The following TYW1B variants were observed in gnomAD, a reference collection of about 807,000 sequenced individuals.
TYW1B encodes tRNA-yW synthesizing protein 1 homolog B.
In TYW1B, 73 loss-of-function variants were observed where a neutral mutation model predicts 86.9. That is an observed-to-expected ratio of 0.84 (90% CI 0.70 to 1.02). The LOEUF is 1.02. TYW1B is among the 50% of genes least tolerant of loss of function. The pLI, the probability that TYW1B is intolerant of heterozygous loss-of-function variation, is 0.00. For synonymous variants in TYW1B, 248 were observed against 292.8 expected (o/e 0.85, Z 1.56); for missense variants, 637 against 827.4 (o/e 0.77, Z 2.82).
At chr7:72,748,066 C>T (rs1450856344) in intron 7 of TYW1B, among the ~76,000 whole-genome samples, 1 of 152,032 alleles carries the variant, frequency 6.6e-6, no homozygotes, top group Admixed American at 6.6e-5. Flanking sequence ...GTCAGGAGAT[C>T]GAGACCGTCC....
intron 11 of TYW1B, among the ~76,000 whole-genome samples, chr7:72,692,161 A>G (rs1287610193): frequency 2.1e-5 from 3 of 140,934 alleles, no homozygotes; most frequent in African/African-American, 8.0e-5. Context: ...AGCCAAGATC[A>G]CGCCACCACA....
At chr7:72,794,491 G>C (rs143070050) in intron 6 of TYW1B, among the ~76,000 whole-genome samples, 1,889 of 152,074 alleles carry the variant, frequency 0.012, 37 homozygotes, top group African/African-American at 0.043. Context: ...GGGAGGCAGA[G>C]GTTGCAGTGA....
chr7:72,648,108 A>G (rs1275463482), intron 11 of TYW1B, among the ~76,000 whole-genome samples: 2 of 152,212 alleles, frequency 1.3e-5, no homozygotes, highest in African/African-American at 4.8e-5. Context: ...TTTAGAAAGA[A>G]ATACAACAAA....
At chr7:72,606,528 T>C (rs1339819630) in intron 13 of TYW1B, among the ~76,000 whole-genome samples, 1 of 151,660 alleles carries the variant, frequency 6.6e-6, no homozygotes, top group Non-Finnish European at 1.5e-5. Context: ...ACAAGGCACC[T>C]CTCCCCCATA....
At chr7:72,692,884 C>T (rs1175133163) in intron 11 of TYW1B, among the ~76,000 whole-genome samples, 17 of 152,088 alleles carry the variant, frequency 1.1e-4, no homozygotes, top group Non-Finnish European at 2.2e-4. Flanking sequence ...GGAAGCATGG[C>T]CCTCCTGGGG....
In TYW1B at chr7:72,826,948, T is replaced by C; in HGVS notation, c.42A>G (p.Leu14=). ...AAAACCTGTTTATCCATAATGATAT[T>C]AAAGGTGAGGAGAGGTCCCATGTAT... ...SADTWDLSSP[L]ISLWINRFYI... The change falls in exon 2 of 14, where the codon TTA becomes TTG. Residue 14 remains leucine, a synonymous_variant. Transcript: ENST00000620995. 6.2e-7 allele frequency: 1 copy of C among 1,613,702 alleles called. No homozygotes were observed. Among genetic ancestry groups the C allele is most frequent in the Non-Finnish European group, 8.5e-7 (1 of 1,179,862 alleles).
intron 7 of TYW1B, among the ~76,000 whole-genome samples, chr7:72,770,638 T>C (rs1787851456): frequency 6.6e-6 from 1 of 152,104 alleles, no homozygotes; most frequent in Non-Finnish European, 1.5e-5. Context: ...AATATATACC[T>C]ACTCTATGAC....
chr7:72,775,736 AAAAAAAC>A (rs1168094935), intron 7 of TYW1B, among the ~76,000 whole-genome samples: 5 of 152,126 alleles, frequency 3.3e-5, no homozygotes, highest in South Asian at 2.1e-4. Flanking sequence ...ATTAGAAAAA[AAAAAAAC>A]AAAAAACAAG....
chr7:72,602,205 T>C (rs188915184), intron 13 of TYW1B, among the ~76,000 whole-genome samples: 462 of 152,236 alleles, frequency 3.0e-3, no homozygotes, highest in Middle Eastern at 6.8e-3. Flanking sequence ...TCTGCAAGAC[T>C]AGAGGCAAAA....
chr7:72,737,099 T>G lies in TYW1B; in HGVS notation c.1082+7385A>C, dbSNP rs573107283. On this transcript the variant is annotated intron_variant, in intron 8 of 13. Coordinates refer to ENST00000620995, the MANE Select transcript of TYW1B (RefSeq NM_001145440.3). ...GCAATTAAGCCTTACAGCAACCCTG[T>G]AAGGAAGGTATGTTGTTTTATTCTA... 3.3e-5 allele frequency among the ~76,000 whole-genome samples: 5 copies of G among 152,274 alleles called. No individual in the cohort carries two copies. The East Asian group carries it at 9.7e-4, about 29-fold the overall frequency.
rs180717411 is a variant in TYW1B, at chr7:72,811,009, A to C, written c.238-344T>G. ...AATACAGGCCGGGTGCGGTGGCTCA[A>C]GCCTGTAATCCCAGCACTTTGGGAG... On this transcript the variant is annotated intron_variant, in intron 3 of 13. Transcript: ENST00000620995. Among the ~76,000 whole-genome samples the C allele has an allele frequency of 1.4e-3, 210 of 152,082 alleles. 2 individuals carry two copies. Among genetic ancestry groups the C allele is most frequent in the Admixed American group, 6.1e-3 (93 of 15,222 alleles).
intron 11 of TYW1B, among the ~76,000 whole-genome samples, chr7:72,634,675 C>T (rs1812626121): frequency 6.6e-6 from 1 of 152,114 alleles, no homozygotes; most frequent in African/African-American, 2.4e-5. Flanking sequence ...TCTTCAACAA[C>T]ACTTAGTGTT....
chr7:72,670,565 A>G (rs1261835188), intron 11 of TYW1B, among the ~76,000 whole-genome samples: 1 of 152,236 alleles, frequency 6.6e-6, no homozygotes, highest in East Asian at 1.9e-4. Context: ...AAGACTTCAC[A>G]GAGGTTCGGT....
chr7:72,745,628 C>T (rs2129571372), intron 7 of TYW1B, among the ~76,000 whole-genome samples: 1 of 151,922 alleles, frequency 6.6e-6, no homozygotes, highest in East Asian at 1.9e-4. Flanking sequence ...GAGGTTATGT[C>T]AGACAGGTAA....
chr7:72,576,288 T>C (rs1223024607), intron 13 of TYW1B, among the ~76,000 whole-genome samples: 2 of 152,282 alleles, frequency 1.3e-5, no homozygotes, highest in East Asian at 1.9e-4. Context: ...GATAATCCAA[T>C]TTGTACTCTC....
intron 9 of TYW1B, among the ~76,000 whole-genome samples, chr7:72,722,509 T>G (rs1392036718): frequency 3.9e-5 from 6 of 152,218 alleles, no homozygotes; most frequent in African/African-American, 1.4e-4. Context: ...ACTGAAATTC[T>G]GACCCACTTT....
At chr7:72,584,549 A>G (rs1352012495) in intron 13 of TYW1B, among the ~76,000 whole-genome samples, 1 of 151,118 alleles carries the variant, frequency 6.6e-6, no homozygotes. Context: ...TCTGCCTCCC[A>G]GGTTCAAGAG....
At chr7:72,711,901 G>A (rs1786675786) in intron 10 of TYW1B, among the ~76,000 whole-genome samples, 1 of 151,530 alleles carries the variant, frequency 6.6e-6, no homozygotes, top group South Asian at 2.1e-4. Flanking sequence ...CATGTACTGA[G>A]CACCTTTAGG....
At chr7:72,760,893 G>C (rs912098535) in intron 7 of TYW1B, among the ~76,000 whole-genome samples, 1 of 152,100 alleles carries the variant, frequency 6.6e-6, no homozygotes, top group Admixed American at 6.6e-5. Flanking sequence ...TTGATACATA[G>C]GACTAAGTTA....
Sources: gnomAD v4.1 joint callset for allele counts (sites outside exome capture counted in the v4.1 genomes callset) on GRCh38, gnomAD v4.1.1 for gene constraint, MANE v1.5 for transcripts, NCBI Gene and HGNC (gene_info 2026-07-23, HGNC 2026-07-21) for gene names.